The following ACAA1 variants were observed in gnomAD, a reference collection of about 807,000 sequenced individuals.
ACAA1 encodes acetyl-CoA acyltransferase 1, also known as 3-ketoacyl-CoA thiolase, peroxisomal.
In ACAA1, 44 loss-of-function variants were observed where a neutral mutation model predicts 48.8. That is an observed-to-expected ratio of 0.90 (90% CI 0.71 to 1.16). The LOEUF is 1.16. Ranked by LOEUF, ACAA1 falls within the 50% of genes most tolerant of loss-of-function variation. The pLI is 0.00. For missense variants in ACAA1, 512 were observed against 562.3 expected, an observed-to-expected ratio of 0.91 and a Z score of 0.90; for synonymous variants, 233 against 226.5, an observed-to-expected ratio of 1.03 and a Z score of -0.26.
intron 7 of ACAA1, among the ~76,000 whole-genome samples, chr3:38,127,064 CA>C (rs553439381): frequency 6.2e-4 from 95 of 152,348 alleles, no homozygotes; most frequent in Admixed American, 1.5e-3. Flanking sequence ...TCAAACTCAA[CA>C]GTTCGATGTC....
chr3:38,126,641 G>T lies in ACAA1; in HGVS notation c.686C>A (p.Thr229Lys). ...FQAEIVPVTT[T>K]VHDDKGTKRS... ...CTTGGTGCCCTTGTCATCATGGACC[G>T]TGGTGGTCACAGGCACAATCTCAGC... is the stretch of plus-strand genomic sequence containing the variant. Residue 229 changes from threonine to lysine, a missense_variant, in exon 8 of 12, where the codon ACG becomes AAG. Thr to Lys is a moderately conservative substitution (Grantham distance 78, BLOSUM62 -1). Coordinates refer to ENST00000333167, the MANE Select transcript of ACAA1 (RefSeq NM_001607.4). The surrounding 1 kb of genome is among the most constrained non-coding windows in gnomAD (Gnocchi z 4.7). 1.2e-6 allele frequency: 2 copies of T among 1,614,156 alleles called. No homozygotes were observed. The highest frequency in any genetic ancestry group is 2.2e-5 in the South Asian group (2 of 91,090).
chr3:38,124,842 G>C (rs1175694019), intron 11 of ACAA1: 2 of 152,150 alleles, frequency 1.3e-5, no homozygotes, highest in Non-Finnish European at 2.9e-5. Context: ...CCGGCTCTGA[G>C]AGAGACAGTT....
At position 38,126,034 on chromosome 3, in the gene ACAA1, G is replaced by T; in HGVS notation, c.997+128C>A. 1 of 1,447,922 alleles carries T rather than the reference G, an allele frequency of 6.9e-7. No individual in the cohort carries two copies. The allele number at this position is 1,447,922 out of a possible 1,614,324, so 89.7% of individuals were successfully genotyped here. Reference sequence around the variant, plus strand: ...GGGGTCAGGAAGGGCTTGAAGTATGGGACACTAGCCTGCCCCACCTCCACT... The same window carrying T: ...GGGGTCAGGAAGGGCTTGAAGTATGTGACACTAGCCTGCCCCACCTCCACT... On this transcript the variant is annotated intron_variant, in intron 9 of 11. Coordinates refer to ENST00000333167, the MANE Select transcript of ACAA1 (RefSeq NM_001607.4). The surrounding 1 kb of genome is among the most constrained non-coding windows in gnomAD (Gnocchi z 4.7).
rs1700903509 is a variant in ACAA1 at position 38,136,676 on chromosome 3, G to A, written c.181C>T (p.Pro61Ser). Residue 61 changes from proline (P) to serine (S), a missense_variant, in exon 2 of 12, where the codon CCC (proline) becomes TCC (serine). By Grantham distance (74) the Pro-to-Ser change is moderately conservative. Transcript: ENST00000333167. ...AGRGGFKDTT[P>S]DELLSAVMTA... The stretch of plus-strand genomic sequence containing the variant: ...ATGACTGCCGAGAGAAGCTCGTCGG[G>A]GGTGGTGTCCTGCAGCAGAAAGAGC... The A allele has an allele frequency of 5.0e-6, 8 of 1,612,094 alleles. No homozygotes were observed. Among genetic ancestry groups the A allele is most frequent in the African/African-American group, 1.3e-5 (1 of 74,832 alleles).
At position 38,126,437 on chromosome 3, in the gene ACAA1, C is replaced by T. The variant is rs1700683905; in HGVS notation, c.817+73G>A. Reference sequence around the variant, plus strand: ...CTTTGCAGAGGGGCCTGGTCTATTCCAGGTTCCCAGAGTACAGCACCCAGC... The same window carrying T: ...CTTTGCAGAGGGGCCTGGTCTATTCTAGGTTCCCAGAGTACAGCACCCAGC... On this transcript the variant is annotated intron_variant, in intron 8 of 11. Transcript: ENST00000333167. This position sits in a 1 kb window ranked among gnomAD's most constrained non-coding sequence, Gnocchi z 4.7. 6 of 1,610,424 alleles carry T rather than the reference C, an allele frequency of 3.7e-6. No homozygotes were observed. The highest frequency in any genetic ancestry group is 4.2e-6 in the Non-Finnish European group (5 of 1,177,572).
At position 38,126,087 on chromosome 3, in the gene ACAA1, G is replaced by A; in HGVS notation, c.997+75C>T. On this transcript the variant is annotated intron_variant, in intron 9 of 11. Coordinates refer to ENST00000333167, the MANE Select transcript of ACAA1 (RefSeq NM_001607.4). This position sits in a 1 kb window ranked among gnomAD's most constrained non-coding sequence, Gnocchi z 4.7. ...GCAGCACCCACAGGACCACCCTCAT[G>A]CCCCTGGCAACAGCATGCAGGGCAG... 2 of 1,549,982 alleles carry A rather than the reference G, an allele frequency of 1.3e-6. No individual in the cohort carries two copies. Among genetic ancestry groups the A allele is most frequent in the Non-Finnish European group, 1.8e-6 (2 of 1,138,118 alleles).
At chr3:38,125,544 C>A (rs1372920340) in intron 11 of ACAA1, 21 bp downstream of exon 11, 2 of 1,521,784 alleles carry the variant, frequency 1.3e-6, no homozygotes, top group African/African-American at 2.8e-5. Flanking sequence ...TATGACCCCA[C>A]CGCCAGGAGC....
rs1397615100 is a variant in ACAA1, at chr3:38,126,225, C to A, written c.934G>T (p.Val312Phe). The change falls in exon 9 of 12, where the codon GTC becomes TTC. Residue 312 changes from valine to phenylalanine, a missense_variant. By Grantham distance (50) the Val-to-Phe change is conservative. Coordinates refer to ENST00000333167, the MANE Select transcript of ACAA1 (RefSeq NM_001607.4). The surrounding 1 kb of genome is among the most constrained non-coding windows in gnomAD (Gnocchi z 4.7). Reference sequence around the variant, plus strand: ...CCAATGCCCATGATGTCAGGTGGGACCCCAACCACTGCATAAGACCTCAGG... The same window carrying A: ...CCAATGCCCATGATGTCAGGTGGGAACCCAACCACTGCATAAGACCTCAGG... ...GVLRSYAVVG[V>F]PPDIMGIGPA... 1 of 1,614,066 alleles carries A rather than the reference C, an allele frequency of 6.2e-7. No individual in the cohort carries two copies. The highest frequency in any genetic ancestry group is 8.5e-7 in the Non-Finnish European group (1 of 1,179,962).
At chr3:38,134,876 T>C (rs983678095) in intron 2 of ACAA1, among the ~76,000 whole-genome samples, 1 of 152,026 alleles carries the variant, frequency 6.6e-6, no homozygotes, top group East Asian at 1.9e-4. Flanking sequence ...AAGACCTTAC[T>C]GTCCCCCAGC....
At chr3:38,131,759 C>CCAGGAG (rs1700793626) in intron 4 of ACAA1, 121 bp from the exon 5 acceptor site, 1 of 1,320,874 alleles carries the variant, frequency 7.6e-7, no homozygotes, top group East Asian at 2.3e-5. Context: ...AATGGAAGAC[C>CCAGGAG]CAGGAGTGTT....
At position 38,129,185 on chromosome 3, in the gene ACAA1, G is replaced by T; in HGVS notation, c.545+105C>A. 1.0e-6 allele frequency: 1 copy of T among 994,846 alleles called. No individual in the cohort carries two copies. Among genetic ancestry groups the T allele is most frequent in the Non-Finnish European group, 1.5e-6 (1 of 656,174 alleles). The allele number at this position is 994,846 out of a possible 1,614,324, so 61.6% of individuals were successfully genotyped here. ...GCGGAGCAGACCATGCCCAAAGGAA[G>T]GAGGCCAAGGCTTGGCACCACCAGC... On this transcript the variant is annotated intron_variant, in intron 6 of 11. Transcript: ENST00000333167. This position sits in a 1 kb window ranked among gnomAD's most constrained non-coding sequence, Gnocchi z 5.3.
rs754102986 is a variant in ACAA1 at position 38,127,870 on chromosome 3, G to A, written c.546-4C>T. The A allele has an allele frequency of 2.5e-6, 4 of 1,614,084 alleles. No homozygotes were observed. Among genetic ancestry groups the A allele is most frequent in the Non-Finnish European group, 3.4e-6 (4 of 1,179,976 alleles). ...AGCCACATTCTCAGAGGTTATCCTA[G>A]AACACAAACAGCAGATAGTGTGGGC... On this transcript the variant is annotated splice_polypyrimidine_tract_variant and splice_region_variant and intron_variant, in intron 6 of 11. Transcript: ENST00000333167.
At chr3:38,133,408 C>CTATT (rs771795844) in intron 3 of ACAA1, 2 of 152,502 alleles carry the variant, frequency 1.3e-5, no homozygotes, top group Non-Finnish European at 2.9e-5. Flanking sequence ...GCTAATGTTC[C>CTATT]TATTTATTTA....
chr3:38,134,514 G>A (rs1700849205), intron 2 of ACAA1: 1 of 456,658 alleles, frequency 2.2e-6, no homozygotes, highest in African/African-American at 2.0e-5. Flanking sequence ...GTTACCGTGT[G>A]TATGTAGAAA....
intron 3 of ACAA1, 88 bp from the exon 4 acceptor site, chr3:38,132,093 C>A (rs547119058): frequency 7.3e-6 from 9 of 1,232,316 alleles, no homozygotes; most frequent in East Asian, 2.5e-5. Context: ...AACTGCCCCC[C>A]TCAAGGGATG....
At chr3:38,124,155 A>G (rs930571105) in intron 11 of ACAA1, 3 of 152,254 alleles carry the variant, frequency 2.0e-5, no homozygotes, top group Non-Finnish European at 4.4e-5. Flanking sequence ...TGCTAACAAT[A>G]GTCACAGGAT....
Position 38,128,348 on chromosome 3 carries a change from C to T in ACAA1, c.546-482G>A, listed in dbSNP as rs1700720731. Among the ~76,000 whole-genome samples, 3 of 152,206 alleles carry T rather than the reference C, an allele frequency of 2.0e-5. No individual in the cohort carries two copies. The South Asian group carries it at 6.2e-4, about 32-fold the overall frequency. On this transcript the variant is annotated intron_variant, in intron 6 of 11. Coordinates refer to ENST00000333167, the MANE Select transcript of ACAA1 (RefSeq NM_001607.4). ...AAAGGCCAAACCTAAGCTTCCTGGT[C>T]ACCTTGGCTGGGGTCTATGCTTATC...
chr3:38,125,311 GAAGT>G (rs773439615), intron 11 of ACAA1: 24 of 355,124 alleles, frequency 6.8e-5, no homozygotes, highest in South Asian at 2.9e-4. Flanking sequence ...GTCAAGTGTA[GAAGT>G]AAGAAGGGGG....
chr3:38,136,488 A>T (rs1026955334), intron 2 of ACAA1, 104 bp downstream of exon 2: 1 of 1,267,536 alleles, frequency 7.9e-7, no homozygotes, highest in Non-Finnish European at 1.1e-6. Flanking sequence ...GGTCAAGGCC[A>T]TGGAGGTTCC....
Sources: allele counts gnomAD v4.1 joint callset (sites outside exome capture counted in the v4.1 genomes callset), GRCh38; gene constraint gnomAD v4.1.1; non-coding constraint Gnocchi (gnomAD v3.1); transcripts MANE v1.5; gene names NCBI Gene and HGNC (gene_info 2026-07-23, HGNC 2026-07-21).